Variants in PDGFD observed in about 807,000 individuals in gnomAD.
PDGFD encodes platelet-derived growth factor D.
PDGFD carries 30 observed loss-of-function variants against 44.7 expected under a neutral mutation model. The ratio of observed to expected loss-of-function variants is 0.67; its 90% CI spans 0.50 to 0.91. The LOEUF is 0.91. Ranked by LOEUF, PDGFD falls within the 40% of genes least tolerant of loss-of-function variation. The pLI, the probability that PDGFD is intolerant of heterozygous loss-of-function variation, is 0.00. For synonymous variants in PDGFD, 173 were observed against 168.4 expected (o/e 1.03, Z -0.21); for missense variants, 445 against 457.8 (o/e 0.97, Z 0.25).
At chr11:103,980,635 T>C (rs925211937) in intron 3 of PDGFD, among the ~76,000 whole-genome samples, 1 of 152,066 alleles carries the variant, frequency 6.6e-6, no homozygotes, top group Non-Finnish European at 1.5e-5. Context: ...TTAAAGGACC[T>C]TGAATACTGT....
At chr11:104,055,789 T>G (rs1860609350) in intron 1 of PDGFD, among the ~76,000 whole-genome samples, 1 of 152,124 alleles carries the variant, frequency 6.6e-6, no homozygotes, top group Non-Finnish European at 1.5e-5. Context: ...ACTACTGAAG[T>G]ACAAGCATAA....
At chr11:104,162,483 A>G (rs1174062649) in intron 1 of PDGFD, among the ~76,000 whole-genome samples, 1 of 152,182 alleles carries the variant, frequency 6.6e-6, no homozygotes, top group African/African-American at 2.4e-5. Flanking sequence ...TAAATAAATT[A>G]CGTGCTTTTA....
chr11:104,100,824 C>A (rs1313696855), intron 1 of PDGFD, among the ~76,000 whole-genome samples: 8 of 152,168 alleles, frequency 5.3e-5, no homozygotes, highest in African/African-American at 1.9e-4. Context: ...CATTACCCAG[C>A]ATATAAACAC....
intron 1 of PDGFD, among the ~76,000 whole-genome samples, chr11:104,134,179 AAC>A (rs1434352072): frequency 6.1e-5 from 7 of 115,486 alleles, no homozygotes; most frequent in Non-Finnish European, 1.1e-4. Flanking sequence ...AGGGGTCACA[AAC>A]ACAGATATAA....
chr11:104,109,210 A>G (rs1294389966), intron 1 of PDGFD, among the ~76,000 whole-genome samples: 1 of 152,152 alleles, frequency 6.6e-6, no homozygotes, highest in Non-Finnish European at 1.5e-5. Context: ...TTAAAAAAAA[A>G]AGAATGCATA....
At chr11:104,037,819 G>A in intron 1 of PDGFD, 1 of 1,614,220 alleles carries the variant, frequency 6.2e-7, no homozygotes, top group Non-Finnish European at 8.5e-7. Context: ...TCTAGGCCTA[G>A]ATATGCTCCG....
At chr11:104,069,025 A>G (rs1860834878) in intron 1 of PDGFD, among the ~76,000 whole-genome samples, 2 of 152,198 alleles carry the variant, frequency 1.3e-5, no homozygotes, top group Non-Finnish European at 2.9e-5. Context: ...AGATGTTACA[A>G]TGTTACAAAC....
At chr11:104,060,370 AC>A (rs919496475) in intron 1 of PDGFD, among the ~76,000 whole-genome samples, 17 of 151,986 alleles carry the variant, frequency 1.1e-4, no homozygotes, top group African/African-American at 4.1e-4. Context: ...GCTTCTCTGG[AC>A]CAGGTAGCTG....
intron 1 of PDGFD, among the ~76,000 whole-genome samples, chr11:104,125,906 G>C (rs1445071955): frequency 6.6e-6 from 1 of 152,122 alleles, no homozygotes; most frequent in Non-Finnish European, 1.5e-5. Flanking sequence ...ATTCAATTCA[G>C]AAAACTAGAA....
rs10606695 is a variant in PDGFD, at chr11:103,948,995, CTTTTT to C, written c.511-1276_511-1272del. Among the ~76,000 whole-genome samples, 228 of 77,058 alleles carry C rather than the reference CTTTTT, an allele frequency of 3.0e-3. 1 individual carries two copies. Among genetic ancestry groups the C allele is most frequent in the African/African-American group, 0.012 (212 of 17,486 alleles). The allele number at this position is 77,058 out of a possible 152,430, so 50.6% of individuals were successfully genotyped here. ...CGACTAGACATCATTATTTTAGTCACTTTTTTTTTTTTTTTTTTTTTTTTTGAGAC... is the reference window on the plus strand; with the variant it reads ...CGACTAGACATCATTATTTTAGTCACTTTTTTTTTTTTTTTTTTTTGAGAC... On this transcript the variant is annotated intron_variant, in intron 3 of 6. Transcript: ENST00000393158.
intron 3 of PDGFD, among the ~76,000 whole-genome samples, chr11:103,989,716 G>A (rs1859423024): frequency 6.6e-6 from 1 of 152,176 alleles, no homozygotes; most frequent in Non-Finnish European, 1.5e-5. Context: ...AGGTAGGCAA[G>A]AAGGAATGGG....
intron 1 of PDGFD, among the ~76,000 whole-genome samples, chr11:104,022,310 T>A (rs1859967908): frequency 6.6e-6 from 1 of 152,198 alleles, no homozygotes; most frequent in African/African-American, 2.4e-5. Context: ...TCTAACATAA[T>A]GCATTCCACT....
At chr11:103,992,309 G>T (rs367759263) in intron 3 of PDGFD, among the ~76,000 whole-genome samples, 13 of 152,134 alleles carry the variant, frequency 8.5e-5, no homozygotes, top group African/African-American at 2.9e-4. Flanking sequence ...ATAGGAATGA[G>T]ATACACATCC....
intron 1 of PDGFD, among the ~76,000 whole-genome samples, chr11:104,086,076 GT>G (rs758505825): frequency 2.2e-4 from 33 of 152,294 alleles, no homozygotes; most frequent in Admixed American, 1.2e-3. Context: ...ACTTCTATGT[GT>G]GTAATGAATA....
chr11:104,123,704 G>A (rs538401922), intron 1 of PDGFD, among the ~76,000 whole-genome samples: 1 of 152,118 alleles, frequency 6.6e-6, no homozygotes, highest in East Asian at 1.9e-4. Flanking sequence ...TTTTAATGCA[G>A]ACTTTGAAAG....
chr11:104,044,162 T>C (rs1459637920), intron 1 of PDGFD, among the ~76,000 whole-genome samples: 1 of 152,244 alleles, frequency 6.6e-6, no homozygotes, highest in African/African-American at 2.4e-5. Context: ...AGAGCAGTTA[T>C]AGAAATGCTT....
chr11:103,974,395 C>A (rs544980551), intron 3 of PDGFD, among the ~76,000 whole-genome samples: 2 of 152,178 alleles, frequency 1.3e-5, no homozygotes, highest in African/African-American at 2.4e-5. Flanking sequence ...CTAAGAGCTA[C>A]TCTATAGCAC....
At chr11:103,948,995 C>CTTTTTTT (rs10606695) in intron 3 of PDGFD, among the ~76,000 whole-genome samples, 1 of 77,046 alleles carries the variant, frequency 1.3e-5, no homozygotes, top group Non-Finnish European at 2.3e-5. Flanking sequence ...ATTTTAGTCA[C>CTTTTTTT]TTTTTTTTTT....
chr11:103,933,311 C>G (rs1242529332), intron 5 of PDGFD, among the ~76,000 whole-genome samples: 1 of 152,142 alleles, frequency 6.6e-6, no homozygotes, highest in African/African-American at 2.4e-5. Context: ...AATATTACAA[C>G]CTCACTGTGA....
Sources: gnomAD v4.1 joint callset for allele counts (sites outside exome capture counted in the v4.1 genomes callset) on GRCh38, gnomAD v4.1.1 for gene constraint, MANE v1.5 for transcripts, NCBI Gene and HGNC (gene_info 2026-07-23, HGNC 2026-07-21) for gene names.